Variants in TAL1 observed in about 807,000 individuals in gnomAD.
The protein encoded by TAL1 is T-cell acute lymphocytic leukemia protein 1.
TAL1 carries 8 observed loss-of-function variants against 17.9 expected under a neutral mutation model. The ratio of observed to expected loss-of-function variants is 0.45; its 90% CI spans 0.26 to 0.81. The LOEUF (loss-of-function observed/expected upper bound fraction) is 0.81. Ranked by LOEUF, TAL1 falls within the 30% of genes least tolerant of loss-of-function variation. The pLI is 0.17. For synonymous variants in TAL1, 223 were observed against 218.6 expected, an observed-to-expected ratio of 1.02 and a Z score of -0.18; for missense variants, 466 against 486.9, an observed-to-expected ratio of 0.96 and a Z score of 0.40.
At position 47,223,057 on chromosome 1, in the gene TAL1, G is replaced by A. The variant is rs141969983; in HGVS notation, c.541+947C>T. On this transcript the variant is annotated intron_variant, in intron 3 of 3. Transcript: ENST00000294339. ...TTTCTGTTGTGCAGATCCCAGCCCC[G>A]CTCCTCTCCAGAACACCACAGAGGG... 4.0e-3 allele frequency among the ~76,000 whole-genome samples: 607 copies of A among 152,204 alleles called. 1 individual carries two copies. The highest frequency in any genetic ancestry group is 0.014 in the African/African-American group (576 of 41,536).
upstream of TAL1, chr1:47,232,269 G>A (rs1455299755): frequency 7.2e-6 from 1 of 138,978 alleles, no homozygotes; most frequent in Non-Finnish European, 1.5e-5. Flanking sequence ...CCCGCCCCGC[G>A]CCCGCCCGGC....
chr1:47,226,076 G>C, intron 1 of TAL1, 187 bp from the exon 3 acceptor site: 5 of 258,882 alleles, frequency 1.9e-5, no homozygotes, highest in Admixed American at 6.3e-5. Context: ...GGGTGGGAGG[G>C]AAAGAGGGTC....
chr1:47,224,169 C>T, intron 2 of TAL1, 71 bp from the exon 4 acceptor site: 2 of 1,514,396 alleles, frequency 1.3e-6, no homozygotes, highest in Non-Finnish European at 1.8e-6. Flanking sequence ...CCTTAGGGAT[C>T]CTCCCCACAT....
Position 47,223,912 on chromosome 1 carries a change from G to C in TAL1, c.541+92C>G, listed in dbSNP as rs184126343. ...GAAAGTGGCCCGCCCATCTTTGTGA[G>C]ATACCTACGGAGTAGTCCCAGATGT... On this transcript the variant is annotated intron_variant, in intron 3 of 3. Coordinates refer to ENST00000294339, the Ensembl canonical transcript of TAL1. 3 of 1,253,416 alleles carry C rather than the reference G, an allele frequency of 2.4e-6. No homozygotes were observed. In the African/African-American group the frequency reaches 4.4e-5, roughly 19 times the overall value. The allele number at this position is 1,253,416 out of a possible 1,614,324, so 77.6% of individuals were successfully genotyped here.
At position 47,225,807 on chromosome 1, in the gene TAL1, G is replaced by C. The variant is rs762679433; in HGVS notation, c.82C>G (p.Pro28Ala). 8.3e-6 allele frequency: 13 copies of C among 1,573,810 alleles called. No individual in the cohort carries two copies. The East Asian group carries it at 3.2e-4, about 38-fold the overall frequency. The change falls in exon 2 of 4, where the codon CCC becomes GCC. Residue 28 changes from proline (P) to alanine (A), a missense_variant. Pro to Ala is a conservative substitution (Grantham distance 27). Around this residue, in one of 5 missense-constraint regions of TAL1, gnomAD observed 130 missense variants for 119.5 expected, o/e 1.09. Transcript: ENST00000294339. ...CCGTTCAGCAGGACCAGGTGCGGGG[G>C]GGCCATGCTGGCCTCGGCCGCGTCC...
At chr1:47,232,026 C>A (rs1644023910), upstream of TAL1, 1 of 232,216 alleles carries the variant, frequency 4.3e-6, no homozygotes, top group Admixed American at 5.6e-5. Context: ...CCCACCGCCC[C>A]CCCCGGCCAT....
chr1:47,219,301 GCCACCCCA>G (rs1645561432), exon 4 of TAL1: 29 of 487,154 alleles, frequency 6.0e-5, no homozygotes, highest in South Asian at 4.9e-4. Context: ...GGCCACACAG[GCCACCCCA>G]GCCAGCTTGG....
At chr1:47,219,853 T>G (rs140161351) in exon 4 of TAL1, 7 of 1,598,114 alleles carry the variant, frequency 4.4e-6, no homozygotes, top group African/African-American at 1.3e-5. Context: ...GCAGCTGGAG[T>G]TGGGGGAAAG....
chr1:47,224,225 G>T, intron 2 of TAL1, 127 bp from the exon 4 acceptor site: 1 of 751,080 alleles, frequency 1.3e-6, no homozygotes, highest in Non-Finnish European at 2.3e-6. Context: ...CTTCACACTT[G>T]AGCTGGGAAT....
At chr1:47,219,129 G>C in exon 4 of TAL1, 1 of 410,580 alleles carries the variant, frequency 2.4e-6, no homozygotes, top group Admixed American at 3.6e-5. Context: ...ATCTAGAGCA[G>C]ACTGTCCACT....
In TAL1 at chr1:47,216,656, G is replaced by A. The variant is rs79084209; in HGVS notation, c.*3064C>T. Reference sequence around the variant, plus strand: ...TAGTTGTCGGCTGACTACAGATGCTGTGCCCTTTGTTTTATTTTGGAAAAG... The same window carrying A: ...TAGTTGTCGGCTGACTACAGATGCTATGCCCTTTGTTTTATTTTGGAAAAG... On this transcript the variant is annotated 3_prime_UTR_variant, in exon 4 of 4. Transcript: ENST00000294339. 4.5e-3 allele frequency: 1,038 copies of A among 231,830 alleles called. 16 individuals are homozygous for A. Among genetic ancestry groups the A allele is most frequent in the East Asian group, 0.035 (571 of 16,348 alleles). The allele number at this position is 231,830 out of a possible 1,614,324, so 14.4% of individuals were successfully genotyped here. A position where few individuals can be genotyped will look rare whatever the true frequency, so the allele number is the denominator to read the frequency against.
rs147433844 is a variant in TAL1, at chr1:47,216,474, C to T, written c.*3246G>A. ...TTCTGCAGAAAAATGCAGAGACCAA[C>T]GCAATTCATCACATACAGTACAACG... On this transcript the variant is annotated 3_prime_UTR_variant, in exon 4 of 4. Transcript: ENST00000294339. The T allele has an allele frequency of 1.8e-3, 404 of 230,148 alleles. 1 individual carries two copies. The highest frequency in any genetic ancestry group is 8.2e-3 in the African/African-American group (370 of 45,184). 14.3% of individuals were successfully genotyped at this position (230,148 alleles called of 1,614,324 possible).
chr1:47,226,145 C>A, intron 1 of TAL1: 1 of 464,620 alleles, frequency 2.2e-6, no homozygotes, highest in African/African-American at 2.0e-5. Context: ...GCCAAAAGGA[C>A]AGAGATGGAG....
exon 1 of TAL1, chr1:47,229,485 A>C (rs1643969550): frequency 5.7e-6 from 1 of 176,266 alleles, no homozygotes; most frequent in Non-Finnish European, 1.2e-5. Flanking sequence ...AGTCCAGGGA[A>C]TCGCAAACAG....
At chr1:47,227,328 C>T (rs563838257) in intron 1 of TAL1, 1 of 152,230 alleles carries the variant, frequency 6.6e-6, no homozygotes, top group Non-Finnish European at 1.5e-5. Flanking sequence ...TTTCTGCTCT[C>T]TGAATTATAT....
exon 4 of TAL1, chr1:47,220,011 A>G: frequency 6.2e-7 from 1 of 1,611,886 alleles, no homozygotes; most frequent in Non-Finnish European, 8.5e-7. Context: ...AGAAGTTGAT[A>G]TACTTCATGG....
chr1:47,223,067 A>G (rs1643855418), intron 3 of TAL1, among the ~76,000 whole-genome samples: 1 of 152,158 alleles, frequency 6.6e-6, no homozygotes, highest in South Asian at 2.1e-4. Flanking sequence ...GCTCCTCTCC[A>G]GAACACCACA....
chr1:47,224,849 C>A (rs780492517), intron 2 of TAL1, among the ~76,000 whole-genome samples: 16 of 152,226 alleles, frequency 1.1e-4, no homozygotes, highest in Non-Finnish European at 2.2e-4. Context: ...TGACACCAAC[C>A]GGAGTACAGG....
At chr1:47,221,968 C>T (rs1162516794) in intron 3 of TAL1, among the ~76,000 whole-genome samples, 1 of 152,248 alleles carries the variant, frequency 6.6e-6, no homozygotes, top group Non-Finnish European at 1.5e-5. Flanking sequence ...CAAACCATAG[C>T]AGGCCCTAGC....
Sources: gnomAD v4.1 joint callset for allele counts (sites outside exome capture counted in the v4.1 genomes callset) on GRCh38, gnomAD v4.1.1 for gene constraint, gnomAD v4.1.1 regional missense constraint, MANE v1.5 for transcripts, NCBI Gene and HGNC (gene_info 2026-07-23, HGNC 2026-07-21) for gene names.